Variants in HIVEP3 observed in about 807,000 individuals in gnomAD.
HIVEP3 encodes transcription factor HIVEP3.
In HIVEP3, 49 loss-of-function variants were observed where a neutral mutation model predicts 152.8. The ratio of observed to expected loss-of-function variants is 0.32; its 90% CI spans 0.26 to 0.41. HIVEP3 has a LOEUF of 0.41. HIVEP3 is among the 10% of genes least tolerant of loss of function. The pLI is 1.00. For missense variants in HIVEP3, 2,790 were observed against 3,103.3 expected, an observed-to-expected ratio of 0.90 and a Z score of 2.40; for synonymous variants, 1,269 against 1,289.0, an observed-to-expected ratio of 0.98 and a Z score of 0.33.
intron 3 of HIVEP3, among the ~76,000 whole-genome samples, chr1:41,627,416 A>C (rs1031927206): frequency 4.6e-5 from 7 of 152,184 alleles, no homozygotes; most frequent in African/African-American, 1.7e-4. Flanking sequence ...GTACCACAAC[A>C]AACATCCCCT....
In HIVEP3 at chr1:41,597,450, TCTGA is replaced by T. The variant is rs1269444753; in HGVS notation, c.-521-12136_-521-12133del. Among the ~76,000 whole-genome samples, 10 of 152,350 alleles carry T rather than the reference TCTGA, an allele frequency of 6.6e-5. No individual in the cohort carries two copies. The South Asian group carries it at 1.9e-3, about 28-fold the overall frequency. ...CTGTGCCTAGACGGAGCAAATGAAC[TCTGA>T]CTATGTGCCAGGGCTGTTCTTAGTA... is the stretch of plus-strand genomic sequence containing the variant. On this transcript the variant is annotated intron_variant, in intron 3 of 8. Transcript: ENST00000372583.
chr1:41,560,249 A>G (rs927033012), intron 5 of HIVEP3, among the ~76,000 whole-genome samples: 3 of 152,228 alleles, frequency 2.0e-5, no homozygotes, highest in African/African-American at 7.2e-5. Context: ...TCTAGATGAG[A>G]AGACTGAGCC....
chr1:42,022,031 T>C (rs1418110968), intron 1 of HIVEP3, among the ~76,000 whole-genome samples: 4 of 152,138 alleles, frequency 2.6e-5, no homozygotes, highest in Non-Finnish European at 4.4e-5. Flanking sequence ...TTCCAGGTAA[T>C]AGCAACAGGG....
chr1:42,015,864 A>G (rs1017315951), intron 1 of HIVEP3, among the ~76,000 whole-genome samples: 6 of 152,228 alleles, frequency 3.9e-5, no homozygotes, highest in Non-Finnish European at 7.3e-5. Context: ...ATTCTCCATC[A>G]TCCTTCAGCT....
chr1:41,561,520 T>A (rs1348451770), intron 5 of HIVEP3, among the ~76,000 whole-genome samples: 1 of 79,324 alleles, frequency 1.3e-5, no homozygotes, highest in African/African-American at 5.0e-5. Flanking sequence ...CATATGTCAC[T>A]TTTTTTTTTT....
At chr1:41,725,740 C>T (rs1373874078) in intron 1 of HIVEP3, among the ~76,000 whole-genome samples, 2 of 152,196 alleles carry the variant, frequency 1.3e-5, no homozygotes, top group African/African-American at 2.4e-5. Flanking sequence ...CTCAACAATA[C>T]TGGAAAACAG....
At chr1:42,001,247 A>T (rs1372825219) in intron 1 of HIVEP3, among the ~76,000 whole-genome samples, 1 of 152,238 alleles carries the variant, frequency 6.6e-6, no homozygotes, top group East Asian at 1.9e-4. Context: ...AATATTAGTA[A>T]CATAACCTAG....
At chr1:41,846,271 T>C (rs1643441396) in intron 1 of HIVEP3, among the ~76,000 whole-genome samples, 1 of 152,250 alleles carries the variant, frequency 6.6e-6, no homozygotes, top group Non-Finnish European at 1.5e-5. Flanking sequence ...ATGTTACTTT[T>C]ACAATGAAAT....
At chr1:41,839,694 G>A (rs935573200) in intron 1 of HIVEP3, among the ~76,000 whole-genome samples, 4 of 152,128 alleles carry the variant, frequency 2.6e-5, no homozygotes, top group Non-Finnish European at 4.4e-5. Context: ...TAATGGCCAC[G>A]CCTGGGGTCC....
At chr1:41,658,461 C>CA (rs1270189861) in intron 2 of HIVEP3, among the ~76,000 whole-genome samples, 1 of 151,732 alleles carries the variant, frequency 6.6e-6, no homozygotes, top group South Asian at 2.1e-4. Flanking sequence ...CAGAAGCAGA[C>CA]AAAAAAAAGT....
chr1:41,666,018 T>G (rs1163863388), intron 2 of HIVEP3, among the ~76,000 whole-genome samples: 2 of 152,130 alleles, frequency 1.3e-5, no homozygotes, highest in Non-Finnish European at 2.9e-5. Context: ...TATGTTTAGG[T>G]CTTACACTGA....
chr1:41,759,191 C>A (rs990287277), intron 1 of HIVEP3, among the ~76,000 whole-genome samples: 13 of 143,538 alleles, frequency 9.1e-5, no homozygotes, highest in Non-Finnish European at 1.1e-4. Context: ...CTTTTAAGGT[C>A]AAAAACTGCA....
chr1:41,782,940 C>A (rs888409593), intron 1 of HIVEP3, among the ~76,000 whole-genome samples: 1 of 152,140 alleles, frequency 6.6e-6, no homozygotes, highest in African/African-American at 2.4e-5. Context: ...TCACTCCCCC[C>A]ACACTCCCTG....
chr1:41,518,590 C>G, intron 6 of HIVEP3, 102 bp from the exon 7 acceptor site: 1 of 1,127,574 alleles, frequency 8.9e-7, no homozygotes, highest in African/African-American at 1.5e-5. Flanking sequence ...CATGGTTTCT[C>G]AGGCCAGTCA....
intron 3 of HIVEP3, among the ~76,000 whole-genome samples, chr1:41,605,443 G>A (rs568590544): frequency 2.6e-5 from 4 of 151,416 alleles, no homozygotes; most frequent in Non-Finnish European, 5.9e-5. Context: ...CCAGTACAGC[G>A]GTACACTTCT....
At chr1:41,649,716 G>C (rs1007981774) in intron 2 of HIVEP3, among the ~76,000 whole-genome samples, 6 of 152,146 alleles carry the variant, frequency 3.9e-5, no homozygotes, top group Non-Finnish European at 8.8e-5. Flanking sequence ...TCAAATGCGG[G>C]GAGGGGTGCT....
At chr1:41,572,851 C>T (rs778802870) in intron 5 of HIVEP3, among the ~76,000 whole-genome samples, 17 of 152,136 alleles carry the variant, frequency 1.1e-4, no homozygotes, top group Non-Finnish European at 1.9e-4. Context: ...GTTGAGTAAA[C>T]ATAACAAGTT....
At chr1:42,010,341 T>C (rs1324839852) in intron 1 of HIVEP3, among the ~76,000 whole-genome samples, 1 of 152,240 alleles carries the variant, frequency 6.6e-6, no homozygotes, top group Non-Finnish European at 1.5e-5. Flanking sequence ...CTCCCTCAGA[T>C]GTCTGGTGGT....
intron 1 of HIVEP3, among the ~76,000 whole-genome samples, chr1:41,899,324 A>C (rs545637410): frequency 6.6e-6 from 1 of 152,344 alleles, no homozygotes; most frequent in Non-Finnish European, 1.5e-5. Flanking sequence ...GTCTACCTAA[A>C]AAGAAAAATT....
Sources: gnomAD v4.1 joint callset for allele counts (sites outside exome capture counted in the v4.1 genomes callset) on GRCh38, gnomAD v4.1.1 for gene constraint, MANE v1.5 for transcripts, NCBI Gene and HGNC (gene_info 2026-07-23, HGNC 2026-07-21) for gene names.